FAT4: variants seen among roughly 807,000 people sequenced by gnomAD.
FAT4 encodes the protein protocadherin Fat 4.
A neutral mutation model predicts 303.9 loss-of-function variants in FAT4; 84 were observed. The observed-to-expected ratio is 0.28, with a 90% CI of 0.23 to 0.33. The LOEUF (loss-of-function observed/expected upper bound fraction) is 0.33, where lower values mean the gene tolerates loss of function less well. FAT4 is among the 10% of genes least tolerant of loss of function. The pLI is 1.00. For missense variants in FAT4, 6,005 were observed against 6,146.8 expected, an observed-to-expected ratio of 0.98 and a Z score of 0.77; for synonymous variants, 2,307 against 2,298.8, an observed-to-expected ratio of 1.00 and a Z score of -0.10.
intron 2 of FAT4, chr4:125,394,023 T>C: frequency 1.3e-6 from 1 of 778,608 alleles, no homozygotes; most frequent in Non-Finnish European, 2.4e-6. Flanking sequence ...AGCACAGATC[T>C]ACCAACTACA....
In FAT4 at chr4:125,415,368, T is replaced by C. The variant is rs1365315099; in HGVS notation, c.6405T>C (p.Ser2135=). The stretch of plus-strand genomic sequence containing the variant: ...CAGACAAAGGTCAACCATCTCTCTC[T>C]TCATCTACAGAGGTTGTAGTTATGG... The part of the protein sequence containing the change: ...VATDKGQPSL[S]SSTEVVVMVL... The change falls in exon 6 of 18, where the codon TCT becomes TCC. Residue 2135 remains serine (S), a synonymous_variant. Coordinates refer to ENST00000394329, the MANE Select transcript of FAT4 (RefSeq NM_001291303.3). 2.5e-6 allele frequency: 4 copies of C among 1,614,046 alleles called. No individual in the cohort carries two copies. In the South Asian group the frequency reaches 4.4e-5, roughly 18 times the overall value.
At chr4:125,486,190 G>T (rs1206161554) in intron 16 of FAT4, among the ~76,000 whole-genome samples, 3 of 145,830 alleles carry the variant, frequency 2.1e-5, no homozygotes, top group African/African-American at 5.0e-5. Context: ...AAAGAAAGTT[G>T]CTGTTTTTAC....
chr4:125,491,904 A>T lies in FAT4; in HGVS notation c.*136A>T, dbSNP rs13135883. Reference sequence around the variant, plus strand: ...TGGTGGAGGGAAAACTTTAAAAATAATAACCACAATGCTGCTGAAACAGAC... The same window carrying T: ...TGGTGGAGGGAAAACTTTAAAAATATTAACCACAATGCTGCTGAAACAGAC... On this transcript the variant is annotated 3_prime_UTR_variant, in exon 18 of 18. Transcript: ENST00000394329. 0.026 allele frequency: 21,409 copies of T among 809,464 alleles called. 367 individuals carry two copies. The highest frequency in any genetic ancestry group is 0.035 in the Non-Finnish European group (18,175 of 522,732). The allele number at this position is 809,464 out of a possible 1,614,324, so 50.1% of individuals were successfully genotyped here.
intron 10 of FAT4, among the ~76,000 whole-genome samples, chr4:125,459,872 G>A (rs1179963242): frequency 6.6e-6 from 1 of 151,986 alleles, no homozygotes; most frequent in Non-Finnish European, 1.5e-5. Flanking sequence ...TACTCATTAT[G>A]CTATTAACAC....
chr4:125,451,086 T>C lies in FAT4; in HGVS notation c.10076T>C (p.Val3359Ala). 1 of 1,614,110 alleles carries C rather than the reference T, an allele frequency of 6.2e-7. No homozygotes were observed. Among genetic ancestry groups the C allele is most frequent in the Non-Finnish European group, 8.5e-7 (1 of 1,180,010 alleles). ...AATAAGAAGACTGGACAGATTTATG[T>C]TTCTGGAATTCTTGATCGAGAAAAA... ...QINKKTGQIY[V>A]SGILDREKEE... The change falls in exon 10 of 18, where the codon GTT (valine) becomes GCT (alanine). Residue 3359 changes from valine (V) to alanine (A), a missense_variant. Physicochemically the swap from Val to Ala is moderately conservative, Grantham distance 64. Coordinates refer to ENST00000394329, the MANE Select transcript of FAT4 (RefSeq NM_001291303.3).
chr4:125,428,756 A>T (rs374873179), intron 7 of FAT4, among the ~76,000 whole-genome samples: 2 of 152,176 alleles, frequency 1.3e-5, no homozygotes, highest in South Asian at 4.1e-4. Context: ...ACTAATTGTA[A>T]TTAGGTTTTT....
chr4:125,367,221 A>G (rs943580788), intron 2 of FAT4, among the ~76,000 whole-genome samples: 5 of 152,148 alleles, frequency 3.3e-5, no homozygotes, highest in Non-Finnish European at 5.9e-5. Flanking sequence ...CACCAATTAT[A>G]ATTCTTCCAG....
intron 14 of FAT4, 51 bp from the exon 15 acceptor site, chr4:125,479,690 C>A: frequency 1.4e-6 from 2 of 1,454,308 alleles, no homozygotes; most frequent in Non-Finnish European, 9.2e-7. Context: ...TTTTAGCAAA[C>A]TTCTCCTCAT....
chr4:125,431,873 TG>T (rs1725295270), intron 7 of FAT4, among the ~76,000 whole-genome samples: 1 of 152,006 alleles, frequency 6.6e-6, no homozygotes, highest in African/African-American at 2.4e-5. Context: ...TTTATGCAAC[TG>T]GTGGGAATTC....
chr4:125,316,380 T>C lies in FAT4; in HGVS notation c.-12-20T>C. On this transcript the variant is annotated intron_variant, in intron 1 of 17. Coordinates refer to ENST00000394329, the MANE Select transcript of FAT4 (RefSeq NM_001291303.3). This position sits in a 1 kb window ranked among gnomAD's most constrained non-coding sequence, Gnocchi z 5.7. ...TTGCGTTTGCTTCACCCCTTCCTTC[T>C]CTTTATCACATCGTTTTAGGGAGCC... 1.9e-6 allele frequency: 3 copies of C among 1,563,766 alleles called. No individual in the cohort carries two copies. The highest frequency in any genetic ancestry group is 2.6e-6 in the Non-Finnish European group (3 of 1,153,712).
intron 2 of FAT4, among the ~76,000 whole-genome samples, chr4:125,394,389 C>G (rs1578592598): frequency 6.6e-6 from 1 of 152,112 alleles, no homozygotes; most frequent in Non-Finnish European, 1.5e-5. Flanking sequence ...ATGTAAAACA[C>G]TAAGAGGGGC....
intron 7 of FAT4, among the ~76,000 whole-genome samples, chr4:125,425,352 A>G (rs1725051324): frequency 6.6e-6 from 1 of 152,156 alleles, no homozygotes; most frequent in South Asian, 2.1e-4. Context: ...TGATTTCTTA[A>G]CAATTATTTA....
chr4:125,403,148 T>C (rs1463176442), intron 3 of FAT4, among the ~76,000 whole-genome samples: 1 of 152,102 alleles, frequency 6.6e-6, no homozygotes, highest in East Asian at 1.9e-4. Context: ...CTGTGCTTAC[T>C]ATCTGTCAAG....
intron 2 of FAT4, among the ~76,000 whole-genome samples, chr4:125,344,611 G>C (rs549257809): frequency 6.6e-6 from 1 of 152,234 alleles, no homozygotes; most frequent in Non-Finnish European, 1.5e-5. Flanking sequence ...TAGTATCTGT[G>C]ATGCCAATGG....
In FAT4 at chr4:125,416,586, G is replaced by C; in HGVS notation, c.6982G>C (p.Glu2328Gln). 6.2e-7 allele frequency: 1 copy of C among 1,613,926 alleles called. No individual in the cohort carries two copies. The highest frequency in any genetic ancestry group is 8.5e-7 in the Non-Finnish European group (1 of 1,179,882). Reference sequence around the variant, plus strand: ...ACAGAGTCTGGATCGGGAAACAAAAGAGCGCTTTGTCTTAATGATTACAGC... The same window carrying C: ...ACAGAGTCTGGATCGGGAAACAAAACAGCGCTTTGTCTTAATGATTACAGC... ...VTQSLDRETK[E>Q]RFVLMITATD... Residue 2328 changes from glutamate to glutamine, a missense_variant, in exon 7 of 18, where the codon GAG (glutamate) becomes CAG (glutamine). Physicochemically the swap from Glu to Gln is conservative, Grantham distance 29. Coordinates refer to ENST00000394329, the MANE Select transcript of FAT4 (RefSeq NM_001291303.3).
At chr4:125,408,395 ATAC>A (rs754259578) in intron 4 of FAT4, 46 bp from the exon 5 acceptor site, 173 of 1,248,104 alleles carry the variant, frequency 1.4e-4, no homozygotes, top group Middle Eastern at 3.9e-4. Context: ...TCTCTTAGTA[ATAC>A]TTCTTACTTC....
At position 125,415,713 on chromosome 4, in the gene FAT4, G is replaced by A. The variant is rs539573210; in HGVS notation, c.6750G>A (p.Leu2250=). The part of the protein sequence containing the change: ...TDTSTVSIVL[L]DINDFVPVFE... The stretch of plus-strand genomic sequence containing the variant: ...CCTCCACGGTCAGCATTGTTCTACT[G>A]GATATTAATGACTTTGTTCCTGTAT... The change falls in exon 6 of 18, where the codon CTG becomes CTA. Residue 2250 remains leucine, a synonymous_variant. Transcript: ENST00000394329. The A allele has an allele frequency of 2.5e-6, 4 of 1,613,798 alleles. No individual in the cohort carries two copies. Among genetic ancestry groups the A allele is most frequent in the Non-Finnish European group, 3.4e-6 (4 of 1,179,916 alleles).
chr4:125,379,110 G>T (rs959383740), intron 2 of FAT4, among the ~76,000 whole-genome samples: 4 of 152,050 alleles, frequency 2.6e-5, no homozygotes, highest in African/African-American at 9.7e-5. Context: ...GCAGTTGCTT[G>T]GAAGCATAAA....
Position 125,339,299 on chromosome 4 carries a change from G to A in FAT4, c.5175+17713G>A, listed in dbSNP as rs891499237. On this transcript the variant is annotated intron_variant, in intron 2 of 17. Transcript: ENST00000394329. The stretch of plus-strand genomic sequence containing the variant: ...CTGCCTCAGCCTCCCGGGTTCAAGC[G>A]ATTCTCCTGCCTCAGCCTCCCGAGT... 9.2e-5 allele frequency among the ~76,000 whole-genome samples: 14 copies of A among 152,034 alleles called. No homozygotes were observed. The East Asian group carries it at 2.1e-3, about 23-fold the overall frequency.
Sources: gnomAD v4.1 joint callset for allele counts (sites outside exome capture counted in the v4.1 genomes callset) on GRCh38, gnomAD v4.1.1 for gene constraint, Gnocchi (gnomAD v3.1) non-coding constraint, MANE v1.5 for transcripts, NCBI Gene and HGNC (gene_info 2026-07-23, HGNC 2026-07-21) for gene names.